NALCN: variants seen among roughly 807,000 people sequenced by gnomAD.
NALCN encodes sodium leak channel, non-selective.
NALCN carries 111 observed loss-of-function variants against 225.3 expected under a neutral mutation model. That is an observed-to-expected ratio of 0.49 (90% CI 0.42 to 0.58). NALCN has a LOEUF of 0.58. Among genes scored for constraint, NALCN ranks in the 20% least tolerant of loss-of-function variants. NALCN has a pLI of 0.00. For missense variants in NALCN, 1,378 were observed against 2,202.4 expected, an observed-to-expected ratio of 0.63 and a Z score of 7.49; for synonymous variants, 764 against 769.0, an observed-to-expected ratio of 0.99 and a Z score of 0.11.
chr13:101,087,249 T>C (rs770837051), intron 30 of NALCN, among the ~76,000 whole-genome samples: 78 of 152,296 alleles, frequency 5.1e-4, no homozygotes, highest in African/African-American at 1.8e-3. Flanking sequence ...CCTCATTTTC[T>C]ATCTCTGTTG....
intron 15 of NALCN, among the ~76,000 whole-genome samples, chr13:101,155,587 G>C (rs1486427036): frequency 2.0e-5 from 3 of 152,144 alleles, no homozygotes; most frequent in African/African-American, 7.2e-5. Flanking sequence ...GTCCTTACTT[G>C]GGTAAGGTGA....
chr13:101,300,966 A>G (rs2043944475), intron 7 of NALCN, among the ~76,000 whole-genome samples: 1 of 152,244 alleles, frequency 6.6e-6, no homozygotes, highest in South Asian at 2.1e-4. Flanking sequence ...CCATATTGGT[A>G]AACTCACTTT....
In NALCN at chr13:101,104,097, A is replaced by G. The variant is rs112959492; in HGVS notation, c.2889+198T>C. Among the ~76,000 whole-genome samples, 9 of 152,308 alleles carry G rather than the reference A, an allele frequency of 5.9e-5. No homozygotes were observed. The highest frequency in any genetic ancestry group is 2.1e-4 in the South Asian group (1 of 4,822). ...ATTTGAACAATATAACTATCCATAG[A>G]TATTTATGATGCTCTTAATTTAGAT... On this transcript the variant is annotated intron_variant, in intron 25 of 43. Transcript: ENST00000251127. The surrounding 1 kb of genome is among the most constrained non-coding windows in gnomAD (Gnocchi z 4.2).
intron 7 of NALCN, among the ~76,000 whole-genome samples, chr13:101,310,846 T>C (rs1472945236): frequency 2.6e-5 from 4 of 152,090 alleles, no homozygotes; most frequent in Non-Finnish European, 5.9e-5. Flanking sequence ...TCACATATAA[T>C]GGAAATAAAG....
chr13:101,136,892 T>C (rs2036826726), intron 17 of NALCN, among the ~76,000 whole-genome samples: 1 of 152,226 alleles, frequency 6.6e-6, no homozygotes, highest in East Asian at 1.9e-4. Context: ...TCTTCCACAA[T>C]GGTTGAACTA....
At chr13:101,415,206 C>CATATATATATATATGTATAT (rs1278371508) in intron 1 of NALCN, among the ~76,000 whole-genome samples, 1 of 104,810 alleles carries the variant, frequency 9.5e-6, no homozygotes, top group Admixed American at 8.7e-5. Context: ...ACAAATCACA[C>CATATATATATATATGTATAT]ACATATATAT....
intron 28 of NALCN, among the ~76,000 whole-genome samples, chr13:101,090,344 C>T (rs1038164323): frequency 3.3e-5 from 5 of 152,104 alleles, no homozygotes; most frequent in African/African-American, 1.2e-4. Flanking sequence ...TATCGATTTG[C>T]ACAAAGAAGC....
chr13:101,403,557 G>T (rs981926064), intron 1 of NALCN, among the ~76,000 whole-genome samples: 1 of 152,194 alleles, frequency 6.6e-6, no homozygotes, highest in South Asian at 2.1e-4. Flanking sequence ...TGGGAATAAA[G>T]ATGTGAGAAG....
chr13:101,092,015 A>G (rs1180640742), intron 28 of NALCN, among the ~76,000 whole-genome samples: 1 of 152,208 alleles, frequency 6.6e-6, no homozygotes, highest in Non-Finnish European at 1.5e-5. Context: ...CAAAGTTGCA[A>G]AGTTTGAAAC....
intron 27 of NALCN, among the ~76,000 whole-genome samples, chr13:101,099,084 G>C (rs78529189): frequency 0.013 from 1,853 of 146,480 alleles, 30 homozygotes; most frequent in East Asian, 0.082. Context: ...AATATACTGA[G>C]TCATCCAAGA....
chr13:101,143,138 G>A lies in NALCN; in HGVS notation c.2060C>T (p.Ser687Phe), dbSNP rs932388148. 1.2e-6 allele frequency: 2 copies of A among 1,614,054 alleles called. No homozygotes were observed. Among genetic ancestry groups the A allele is most frequent in the African/African-American group, 2.7e-5 (2 of 74,912 alleles). The change falls in exon 17 of 44, where the codon TCC becomes TTC. Residue 687 changes from serine (S) to phenylalanine (F), a missense_variant. Physicochemically the swap from Ser to Phe is radical, Grantham distance 155 (BLOSUM62 -2). Transcript: ENST00000251127. ...TGAGCGTTTGGAGTGGTCGCAGGAG[G>A]AGGAAGAGGTGGTCGGGAGGCTTCT... ...LLRSLPTTSS[S>F]SCDHSKRSAI...
intron 12 of NALCN, among the ~76,000 whole-genome samples, chr13:101,230,310 AG>A (rs1353964444): frequency 6.6e-6 from 1 of 152,234 alleles, no homozygotes; most frequent in Non-Finnish European, 1.5e-5. Context: ...GAAAATCACA[AG>A]GAAATGGAAA....
At chr13:101,059,571 C>CT (rs1184942307) in intron 42 of NALCN, among the ~76,000 whole-genome samples, 7 of 151,776 alleles carry the variant, frequency 4.6e-5, no homozygotes, top group Admixed American at 2.6e-4. Flanking sequence ...AGGGCATTCA[C>CT]TTTTTTTGGC....
intron 12 of NALCN, among the ~76,000 whole-genome samples, chr13:101,233,501 T>G (rs369771815): frequency 2.0e-5 from 3 of 151,884 alleles, no homozygotes; most frequent in Non-Finnish European, 1.5e-5. Flanking sequence ...CCACCACGCC[T>G]GGCTAATTTT....
At position 101,384,824 on chromosome 13, in the gene NALCN, G is replaced by A. The variant is rs533389648; in HGVS notation, c.292-6171C>T. 1.4e-3 allele frequency among the ~76,000 whole-genome samples: 206 copies of A among 152,236 alleles called. 1 individual carries two copies. Among genetic ancestry groups the A allele is most frequent in the Non-Finnish European group, 1.8e-3 (120 of 68,022 alleles). ...ATTAGAAGAAAGCTGTTGAGGAGTG[G>A]GAATTGATGGGCAAGCACCTTCAAG... On this transcript the variant is annotated intron_variant, in intron 3 of 43. Transcript: ENST00000251127.
chr13:101,238,545 G>T (rs891826080), intron 11 of NALCN, among the ~76,000 whole-genome samples: 1 of 151,738 alleles, frequency 6.6e-6, no homozygotes, highest in Non-Finnish European at 1.5e-5. Context: ...TGCATTCTAT[G>T]AATTTACTAT....
At chr13:101,357,460 A>T (rs11844003) in intron 6 of NALCN, among the ~76,000 whole-genome samples, 10,769 of 152,214 alleles carry the variant, frequency 0.071, 1,256 homozygotes, top group African/African-American at 0.24. Context: ...TAAAATACTT[A>T]GGAATACAAC....
In NALCN at chr13:101,248,361, G is replaced by A. The variant is rs56407580; in HGVS notation, c.1266+10082C>T. ...ACTGTTAGTGTCAACCAAACTAAAAGCTGGTTCTTTGAATGAAAAATAAAG... is the reference window on the plus strand; with the variant it reads ...ACTGTTAGTGTCAACCAAACTAAAAACTGGTTCTTTGAATGAAAAATAAAG... On this transcript the variant is annotated intron_variant, in intron 11 of 43. Coordinates refer to ENST00000251127, the MANE Select transcript of NALCN (RefSeq NM_052867.4). 6.0e-3 allele frequency among the ~76,000 whole-genome samples: 908 copies of A among 152,250 alleles called. 7 individuals are homozygous for A. Among genetic ancestry groups the A allele is most frequent in the African/African-American group, 0.021 (867 of 41,552 alleles).
chr13:101,176,257 GT>G lies in NALCN; in HGVS notation c.1839+42del, dbSNP rs747362953. ...CCTATAAGCAAATGGTTTGCCCCTGGTTTTTTGTCCTTTTTAAAAAAAATCC... is the reference window on the plus strand; with the variant it reads ...CCTATAAGCAAATGGTTTGCCCCTGGTTTTTGTCCTTTTTAAAAAAAATCC... On this transcript the variant is annotated intron_variant, in intron 15 of 43. Coordinates refer to ENST00000251127, the MANE Select transcript of NALCN (RefSeq NM_052867.4). The G allele has an allele frequency of 7.0e-6, 10 of 1,430,758 alleles. No homozygotes were observed. In the South Asian group the frequency reaches 9.3e-5, roughly 13 times the overall value. The allele number at this position is 1,430,758 out of a possible 1,614,324, so 88.6% of individuals were successfully genotyped here. A position where few individuals can be genotyped will look rare whatever the true frequency, so the allele number is the denominator to read the frequency against.
Sources: gnomAD v4.1 joint callset for allele counts (sites outside exome capture counted in the v4.1 genomes callset) on GRCh38, gnomAD v4.1.1 for gene constraint, Gnocchi (gnomAD v3.1) non-coding constraint, MANE v1.5 for transcripts, NCBI Gene and HGNC (gene_info 2026-07-23, HGNC 2026-07-21) for gene names.